The following HIPK2 variants were observed in gnomAD, a reference collection of about 807,000 sequenced individuals.
HIPK2 encodes the protein homeodomain-interacting protein kinase 2.
A neutral mutation model predicts 113.7 loss-of-function variants in HIPK2; 27 were observed. That is an observed-to-expected ratio of 0.24 (90% CI 0.17 to 0.33). HIPK2 has a LOEUF of 0.33. Ranked by LOEUF, HIPK2 falls within the 10% of genes least tolerant of loss-of-function variation. The pLI, the probability that HIPK2 is intolerant of heterozygous loss-of-function variation, is 1.00. For synonymous variants in HIPK2, 631 were observed against 642.2 expected (o/e 0.98, Z 0.26); for missense variants, 1,257 against 1,588.0 (o/e 0.79, Z 3.54).
chr7:139,675,402 C>T (rs558391439), intron 2 of HIPK2, among the ~76,000 whole-genome samples: 2 of 152,204 alleles, frequency 1.3e-5, no homozygotes, highest in South Asian at 4.2e-4. Context: ...GCCACAGGTA[C>T]TAGGCGCTTG....
chr7:139,705,975 G>A lies in HIPK2; in HGVS notation c.1103+9957C>T, dbSNP rs145730897. Among the ~76,000 whole-genome samples the A allele has an allele frequency of 6.3e-3, 961 of 152,274 alleles. 13 individuals are homozygous for A. Among genetic ancestry groups the A allele is most frequent in the African/African-American group, 0.021 (859 of 41,540 alleles). ...GTACGAAGACAAAGTTACAAGGAAC[G>A]TGAGCAGCATGTCCACAGAGCCTCA... On this transcript the variant is annotated intron_variant, in intron 2 of 14. Transcript: ENST00000406875.
rs149593594 is a variant in HIPK2, at chr7:139,716,708, G to A, written c.327C>T (p.Gly109=). The A allele has an allele frequency of 2.2e-5, 36 of 1,613,844 alleles. No individual in the cohort carries two copies. Among genetic ancestry groups the A allele is most frequent in the Middle Eastern group, 1.6e-4 (1 of 6,062 alleles). Residue 109 remains glycine (G), a synonymous_variant, in exon 2 of 15, where the codon GGC becomes GGT. Transcript: ENST00000406875. The surrounding 1 kb of genome is among the most constrained non-coding windows in gnomAD (Gnocchi z 9.3). ...SSTSVTGQVL[G]GPHNLMRRST... ...TTCGACGCATTAGGTTGTGTGGTCC[G>A]CCGAGGACTTGCCCGGTGACAGAAG...
At chr7:139,594,051 G>A (rs1799115700) in intron 12 of HIPK2, among the ~76,000 whole-genome samples, 1 of 151,570 alleles carries the variant, frequency 6.6e-6, no homozygotes, top group South Asian at 2.1e-4. Context: ...ATAAGCTCCT[G>A]CACAGGGGTC....
At chr7:139,659,883 TG>T (rs747284571) in intron 2 of HIPK2, among the ~76,000 whole-genome samples, 2 of 152,242 alleles carry the variant, frequency 1.3e-5, no homozygotes, top group East Asian at 3.8e-4. Context: ...AATCTTTACT[TG>T]GGTTTAGTCT....
At chr7:139,587,225 C>T (rs1413207518) in intron 12 of HIPK2, among the ~76,000 whole-genome samples, 1 of 152,114 alleles carries the variant, frequency 6.6e-6, no homozygotes, top group Non-Finnish European at 1.5e-5. Flanking sequence ...TGAGGTGGCT[C>T]ATACCTGTAA....
At chr7:139,603,454 C>T (rs193049174) in intron 10 of HIPK2, among the ~76,000 whole-genome samples, 1 of 152,238 alleles carries the variant, frequency 6.6e-6, no homozygotes, top group East Asian at 1.9e-4. Context: ...GTTCTGGAAA[C>T]AGATGCAGGG....
intron 1 of HIPK2, among the ~76,000 whole-genome samples, chr7:139,775,616 GAC>G (rs1796726065): frequency 6.6e-6 from 1 of 152,186 alleles, no homozygotes; most frequent in Non-Finnish European, 1.5e-5. Flanking sequence ...GGTCACCTGA[GAC>G]AGGGAAGGAA....
chr7:139,625,110 G>A (rs565349450), intron 6 of HIPK2, among the ~76,000 whole-genome samples: 4 of 152,168 alleles, frequency 2.6e-5, no homozygotes, highest in South Asian at 2.1e-4. Flanking sequence ...CATGCCCCTC[G>A]TCCATCTATC....
chr7:139,604,347 C>T, intron 9 of HIPK2, 124 bp from the exon 10 acceptor site: 1 of 1,388,864 alleles, frequency 7.2e-7, no homozygotes, highest in Non-Finnish European at 9.7e-7. Flanking sequence ...GAGTGAGGGC[C>T]TGGTCTCTGG....
intron 1 of HIPK2, among the ~76,000 whole-genome samples, chr7:139,721,754 CA>C (rs138020295): frequency 0.014 from 2,105 of 152,176 alleles, 39 homozygotes; most frequent in East Asian, 0.039. Context: ...GGTGAGAGAC[CA>C]GGGGGACTAC....
chr7:139,702,131 G>A (rs916342373), intron 2 of HIPK2, among the ~76,000 whole-genome samples: 12 of 152,216 alleles, frequency 7.9e-5, no homozygotes, highest in Admixed American at 1.3e-4. Flanking sequence ...CTCCAGCAGC[G>A]CAGGCCGGGG....
chr7:139,777,754 C>G lies in HIPK2; in HGVS notation c.-131G>C. ...CGCTCTCGGCGCAGCCGAGGCCGCC[C>G]GCGCCCGCATCACCGCCTCCCGTGG... On this transcript the variant is annotated 5_prime_UTR_variant, in exon 1 of 15. Coordinates refer to ENST00000406875, the MANE Select transcript of HIPK2 (RefSeq NM_022740.5). 1 of 889,596 alleles carries G rather than the reference C, an allele frequency of 1.1e-6. No homozygotes were observed. The highest frequency in any genetic ancestry group is 1.4e-6 in the Non-Finnish European group (1 of 737,398). 55.1% of individuals were successfully genotyped at this position (889,596 alleles called of 1,614,324 possible). A position where few individuals can be genotyped will look rare whatever the true frequency, so the allele number is the denominator to read the frequency against.
At chr7:139,747,744 C>T (rs1254816838) in intron 1 of HIPK2, among the ~76,000 whole-genome samples, 1 of 152,226 alleles carries the variant, frequency 6.6e-6, no homozygotes, top group Admixed American at 6.5e-5. Context: ...TATCCAGGCA[C>T]CCCCGGTTTT....
chr7:139,727,935 A>ATTTTTTT (rs10524758), intron 1 of HIPK2, among the ~76,000 whole-genome samples: 2 of 116,662 alleles, frequency 1.7e-5, no homozygotes, highest in Non-Finnish European at 1.7e-5. Context: ...GCATTGGCTA[A>ATTTTTTT]TTTTTTTTTT....
chr7:139,573,071 C>T lies in HIPK2; in HGVS notation c.3453G>A (p.Arg1151=). 1 of 1,611,966 alleles carries T rather than the reference C, an allele frequency of 6.2e-7. No homozygotes were observed. Among genetic ancestry groups the T allele is most frequent in the Non-Finnish European group, 8.5e-7 (1 of 1,179,164 alleles). The change falls in exon 15 of 15, where the codon CGG becomes CGA. Residue 1151 remains arginine (R), a synonymous_variant. Coordinates refer to ENST00000406875, the MANE Select transcript of HIPK2 (RefSeq NM_022740.5). ...VHQVPVSMGP[R]VLPSPTIHPS... is the part of the protein sequence containing the mutation. ...GGTGGATGGTGGGCGAGGGCAGGAC[C>T]CGGGGGCCCATGCTCACGGGGACCT...
Position 139,631,733 on chromosome 7 carries a change from G to A in HIPK2, c.1104-8C>T. ...AGGATGATCTCAGGGGCCCTGAAAA[G>A]GAAGAATGGAAGAAACCATTAGCAA... On this transcript the variant is annotated splice_polypyrimidine_tract_variant and splice_region_variant and intron_variant, in intron 2 of 14. Coordinates refer to ENST00000406875, the MANE Select transcript of HIPK2 (RefSeq NM_022740.5). This position sits in a 1 kb window ranked among gnomAD's most constrained non-coding sequence, Gnocchi z 4.9. The A allele has an allele frequency of 6.2e-7, 1 of 1,608,872 alleles. No individual in the cohort carries two copies.
intron 2 of HIPK2, among the ~76,000 whole-genome samples, chr7:139,697,879 T>A (rs941396484): frequency 9.9e-5 from 15 of 150,944 alleles, no homozygotes; most frequent in Non-Finnish European, 1.9e-4. Flanking sequence ...TTTTTTTTTT[T>A]TTTTTTTTGA....
chr7:139,722,104 C>T (rs911855961), intron 1 of HIPK2: 20 of 401,744 alleles, frequency 5.0e-5, no homozygotes, highest in African/African-American at 1.2e-4. Flanking sequence ...TACACAGACA[C>T]GAGTTCATGT....
chr7:139,582,617 G>GA (rs1377243907), intron 13 of HIPK2, among the ~76,000 whole-genome samples: 11 of 152,242 alleles, frequency 7.2e-5, no homozygotes, highest in African/African-American at 2.7e-4. Flanking sequence ...CAAAGTCAGG[G>GA]AAAAAGAGCT....
Sources: gnomAD v4.1 joint callset for allele counts (sites outside exome capture counted in the v4.1 genomes callset) on GRCh38, gnomAD v4.1.1 for gene constraint, Gnocchi (gnomAD v3.1) non-coding constraint, MANE v1.5 for transcripts, NCBI Gene and HGNC (gene_info 2026-07-23, HGNC 2026-07-21) for gene names.